Variants in SPAG9 observed in about 807,000 individuals in gnomAD.
SPAG9 encodes the protein sperm associated antigen 9.
A neutral mutation model predicts 166.5 loss-of-function variants in SPAG9; 35 were observed. That is an observed-to-expected ratio of 0.21 (90% CI 0.16 to 0.28). The LOEUF (loss-of-function observed/expected upper bound fraction) is 0.28, where lower values mean the gene tolerates loss of function less well. SPAG9 is among the 10% of genes least tolerant of loss of function. The pLI, the probability that SPAG9 is intolerant of heterozygous loss-of-function variation, is 1.00. For missense variants in SPAG9, 1,235 were observed against 1,603.3 expected (o/e 0.77, Z 3.92); for synonymous variants, 534 against 565.5 (o/e 0.94, Z 0.79).
chr17:51,021,450 CAAAG>C, intron 6 of SPAG9, 85 bp from the exon 7 acceptor site: 1 of 1,125,722 alleles, frequency 8.9e-7, no homozygotes, highest in Non-Finnish European at 1.2e-6. Context: ...ATAAATCTAC[CAAAG>C]AAAGTTCTAT....
intron 8 of SPAG9, among the ~76,000 whole-genome samples, chr17:51,019,852 C>CA (rs1287213612): frequency 6.6e-6 from 1 of 152,000 alleles, no homozygotes; most frequent in Non-Finnish European, 1.5e-5. Flanking sequence ...AACTCTGTCT[C>CA]AAAAAAATAA....
intron 1 of SPAG9, among the ~76,000 whole-genome samples, chr17:51,113,353 C>CA (rs34917845): frequency 0.18 from 16,885 of 95,570 alleles, 1,217 homozygotes; most frequent in Middle Eastern, 0.24. Context: ...AATGCCATAT[C>CA]AAAAAAAAAA....
chr17:50,988,720 A>T (rs577015400), intron 21 of SPAG9, among the ~76,000 whole-genome samples: 3 of 152,226 alleles, frequency 2.0e-5, no homozygotes, highest in South Asian at 4.2e-4. Context: ...CGCCCAGCGA[A>T]TCATTAAGTT....
chr17:50,977,384 G>T (rs1298447108), intron 26 of SPAG9, among the ~76,000 whole-genome samples, 163 bp from the exon 27 acceptor site: 4 of 152,172 alleles, frequency 2.6e-5, no homozygotes, highest in Admixed American at 2.6e-4. Context: ...GAGCTAGATG[G>T]ATGTTTCCTG....
intron 9 of SPAG9, among the ~76,000 whole-genome samples, chr17:51,013,187 A>G (rs1275954506): frequency 6.6e-6 from 1 of 152,238 alleles, no homozygotes; most frequent in African/African-American, 2.4e-5. Context: ...TTTTGAGAAC[A>G]GTGTAATCTG....
intron 15 of SPAG9, among the ~76,000 whole-genome samples, chr17:50,997,922 T>TA (rs199917995): frequency 7.2e-4 from 108 of 149,730 alleles, no homozygotes; most frequent in African/African-American, 2.5e-3. Flanking sequence ...ATGAGGCATT[T>TA]AAAAAAAAAT....
intron 5 of SPAG9, among the ~76,000 whole-genome samples, chr17:51,032,580 T>G (rs1299708875): frequency 1.3e-5 from 2 of 152,216 alleles, no homozygotes; most frequent in Non-Finnish European, 2.9e-5. Context: ...CAAATACTCT[T>G]GGTCTGGAAA....
At chr17:51,080,517 T>C (rs576569364) in intron 1 of SPAG9, among the ~76,000 whole-genome samples, 70 of 152,262 alleles carry the variant, frequency 4.6e-4, no homozygotes, top group Non-Finnish European at 7.9e-4. Context: ...TGAATTTCTA[T>C]CTCTAGCCCA....
chr17:51,059,972 C>T (rs1309199737), intron 2 of SPAG9, among the ~76,000 whole-genome samples: 5 of 152,034 alleles, frequency 3.3e-5, no homozygotes, highest in South Asian at 4.2e-4. Flanking sequence ...AGTGACTAAC[C>T]GCTCAAAACT....
chr17:51,040,718 T>A (rs2046804814), intron 5 of SPAG9, among the ~76,000 whole-genome samples: 1 of 152,216 alleles, frequency 6.6e-6, no homozygotes, highest in Non-Finnish European at 1.5e-5. Context: ...GAGCTATCTT[T>A]ACATGCTTAG....
intron 1 of SPAG9, among the ~76,000 whole-genome samples, chr17:51,097,613 G>A (rs8072759): frequency 0.24 from 36,188 of 151,838 alleles, 5,150 homozygotes; most frequent in Admixed American, 0.33. Flanking sequence ...AGAAGCACAG[G>A]TAAAATAACC....
chr17:51,071,535 A>G (rs1475853106), intron 2 of SPAG9, among the ~76,000 whole-genome samples: 3 of 152,236 alleles, frequency 2.0e-5, no homozygotes, highest in African/African-American at 7.2e-5. Context: ...AATTTCTTAT[A>G]TTCATTTAGA....
intron 13 of SPAG9, 50 bp from the exon 14 acceptor site, chr17:50,999,767 C>A (rs765023667): frequency 6.6e-7 from 1 of 1,515,954 alleles, no homozygotes; most frequent in East Asian, 2.3e-5. Context: ...AGGTATTCTA[C>A]CTTTCTTTCT....
rs975633910 is a variant in SPAG9 at position 51,042,950 on chromosome 17, G to A, written c.591-1299C>T. Among the ~76,000 whole-genome samples, 4 of 152,032 alleles carry A rather than the reference G, an allele frequency of 2.6e-5. No homozygotes were observed. The South Asian group carries it at 6.2e-4, about 24-fold the overall frequency. On this transcript the variant is annotated intron_variant, in intron 4 of 29. Transcript: ENST00000262013. ...GTGTTGCCCAGACTGAAGTACAGTG[G>A]GACGATCTCGGCTCACTGCAAGCTC...
At chr17:51,041,458 TA>T (rs765246082) in intron 5 of SPAG9, 42 bp downstream of exon 5, 1 of 1,580,634 alleles carries the variant, frequency 6.3e-7, no homozygotes, top group Non-Finnish European at 8.6e-7. Flanking sequence ...TAAGAAAGTT[TA>T]TGAAATATAA....
At chr17:51,079,231 C>CT (rs771648631) in intron 2 of SPAG9, among the ~76,000 whole-genome samples, 247 of 140,428 alleles carry the variant, frequency 1.8e-3, no homozygotes, top group Middle Eastern at 3.6e-3. Context: ...GAGCCAATTC[C>CT]TTTTTTTTTT....
At chr17:51,117,356 A>G (rs1287920120) in intron 1 of SPAG9, among the ~76,000 whole-genome samples, 3 of 152,010 alleles carry the variant, frequency 2.0e-5, no homozygotes, top group Non-Finnish European at 4.4e-5. Flanking sequence ...CTTTCAAATC[A>G]CTTTTGCTGT....
At chr17:51,110,988 C>T (rs920297715) in intron 1 of SPAG9, among the ~76,000 whole-genome samples, 5 of 151,816 alleles carry the variant, frequency 3.3e-5, no homozygotes, top group Non-Finnish European at 7.4e-5. Context: ...TGGTGGCGGG[C>T]GCCTGTAGTC....
At chr17:51,022,773 AC>A (rs1268654812) in intron 6 of SPAG9, among the ~76,000 whole-genome samples, 5 of 151,314 alleles carry the variant, frequency 3.3e-5, no homozygotes, top group Non-Finnish European at 5.9e-5. Context: ...ACATGGAGAA[AC>A]CCTGTCTCTA....
Sources: allele counts gnomAD v4.1 joint callset (sites outside exome capture counted in the v4.1 genomes callset), GRCh38; gene constraint gnomAD v4.1.1; transcripts MANE v1.5; gene names NCBI Gene and HGNC (gene_info 2026-07-23, HGNC 2026-07-21).